PRKDC: variants seen among roughly 807,000 people sequenced by gnomAD.
PRKDC encodes DNA-dependent protein kinase catalytic subunit.
Under a neutral mutation model 486.9 loss-of-function variants are expected in PRKDC, and 82 were observed. That is an observed-to-expected ratio of 0.17 (90% CI 0.14 to 0.20). The LOEUF is 0.20. PRKDC is among the 10% of genes least tolerant of loss of function. The pLI, the probability that PRKDC is intolerant of heterozygous loss-of-function variation, is 1.00. For missense variants in PRKDC, 4,504 were observed against 5,038.2 expected, an observed-to-expected ratio of 0.89 and a Z score of 3.21; for synonymous variants, 1,895 against 1,837.0, an observed-to-expected ratio of 1.03 and a Z score of -0.81.
chr8:47,818,472 G>T (rs1319855197), intron 67 of PRKDC, among the ~76,000 whole-genome samples: 1 of 151,448 alleles, frequency 6.6e-6, no homozygotes, highest in African/African-American at 2.4e-5. Context: ...CCAGCTACTT[G>T]GGAGGCTGAG....
intron 25 of PRKDC, among the ~76,000 whole-genome samples, chr8:47,909,083 C>T (rs999718466): frequency 6.6e-6 from 1 of 152,174 alleles, no homozygotes; most frequent in Non-Finnish European, 1.5e-5. Context: ...CTCCCCCCAG[C>T]CCCCAGGCAG....
chr8:47,912,477 G>T lies in PRKDC; in HGVS notation c.2867C>A (p.Pro956Gln), dbSNP rs780533793. The change falls in exon 25 of 86, where the codon CCA becomes CAA. Residue 956 changes from proline (P) to glutamine (Q), a missense_variant. Pro to Gln is a moderately conservative substitution (Grantham distance 76, BLOSUM62 -1). Coordinates refer to ENST00000314191, the MANE Select transcript of PRKDC (RefSeq NM_006904.7). Reference sequence around the variant, plus strand: ...CCGCTTATAGAGCTGGTACATGGGTGGGGCTCCCTGTCCCCCTTCTGGCAT... The same window carrying T: ...CCGCTTATAGAGCTGGTACATGGGTTGGGCTCCCTGTCCCCCTTCTGGCAT... ...TQMPEGGQGA[P>Q]PMYQLYKRTF... 6.2e-7 allele frequency: 1 copy of T among 1,612,660 alleles called. No homozygotes were observed. Among genetic ancestry groups the T allele is most frequent in the South Asian group, 1.1e-5 (1 of 90,806 alleles).
At chr8:47,869,641 G>A (rs2088901534) in intron 40 of PRKDC, among the ~76,000 whole-genome samples, 1 of 151,898 alleles carries the variant, frequency 6.6e-6, no homozygotes, top group Non-Finnish European at 1.5e-5. Context: ...GAGAGAAGGA[G>A]AAGTAAGAGT....
At chr8:47,821,889 A>G in intron 64 of PRKDC, 97 bp from the exon 65 acceptor site, 1 of 1,101,994 alleles carries the variant, frequency 9.1e-7, no homozygotes, top group Non-Finnish European at 1.3e-6. Context: ...CACTAAAAAC[A>G]ATCCTTTTCA....
Position 47,778,815 on chromosome 8 carries a change from A to T in PRKDC, c.11580-16T>A. On this transcript the variant is annotated splice_polypyrimidine_tract_variant and intron_variant, in intron 81 of 85. Coordinates refer to ENST00000314191, the MANE Select transcript of PRKDC (RefSeq NM_006904.7). ...ATTAGCGCCCCTATGATTTAATAAT[A>T]GAAACATCTAATTAGAAAAAATTTC... is the stretch of plus-strand genomic sequence containing the variant. The T allele has an allele frequency of 1.2e-6, 2 of 1,604,544 alleles. No individual in the cohort carries two copies. Among genetic ancestry groups the T allele is most frequent in the Non-Finnish European group, 1.7e-6 (2 of 1,176,022 alleles).
chr8:47,927,377 A>G, intron 20 of PRKDC, 24 bp from the exon 21 acceptor site: 2 of 1,586,476 alleles, frequency 1.3e-6, no homozygotes, highest in South Asian at 2.4e-5. Flanking sequence ...CAAACAAGTT[A>G]AACTGAAACG....
intron 80 of PRKDC, 92 bp from the exon 81 acceptor site, chr8:47,779,185 A>T: frequency 1.1e-6 from 1 of 916,106 alleles, no homozygotes; most frequent in South Asian, 1.6e-5. Context: ...ATTGAAAAAT[A>T]GCAAAGAGGC....
At chr8:47,943,036 C>T (rs13439424) in intron 10 of PRKDC, among the ~76,000 whole-genome samples, 173 bp downstream of exon 10, 141 of 152,374 alleles carry the variant, frequency 9.3e-4, no homozygotes, top group African/African-American at 2.7e-3. Context: ...CTCCCTAGCT[C>T]TCTTTCAGTC....
chr8:47,858,176 C>T (rs2088587240), intron 48 of PRKDC, among the ~76,000 whole-genome samples: 1 of 151,930 alleles, frequency 6.6e-6, no homozygotes, highest in African/African-American at 2.4e-5. Flanking sequence ...GGAATATTTT[C>T]TCCCCCGCTC....
intron 29 of PRKDC, among the ~76,000 whole-genome samples, chr8:47,897,829 C>T (rs2089609559): frequency 6.6e-6 from 1 of 152,202 alleles, no homozygotes; most frequent in Non-Finnish European, 1.5e-5. Flanking sequence ...ACTTTTAAAA[C>T]AACTGAGAAA....
chr8:47,892,117 A>G (rs999851547), intron 31 of PRKDC, among the ~76,000 whole-genome samples: 3 of 152,120 alleles, frequency 2.0e-5, no homozygotes, highest in African/African-American at 7.2e-5. Context: ...TGATGTGCCC[A>G]TCTCGGCCTC....
At chr8:47,925,631 A>C (rs1470516871) in intron 21 of PRKDC, among the ~76,000 whole-genome samples, 1 of 152,220 alleles carries the variant, frequency 6.6e-6, no homozygotes, top group African/African-American at 2.4e-5. Context: ...ATTTTTCTGG[A>C]TTTTGATAAT....
At chr8:47,857,805 T>C (rs1336183320) in intron 48 of PRKDC, among the ~76,000 whole-genome samples, 2 of 152,168 alleles carry the variant, frequency 1.3e-5, no homozygotes, top group African/African-American at 4.8e-5. Context: ...ACTCGCCATG[T>C]CTGCAGAGCT....
chr8:47,911,756 T>C (rs944888956), intron 25 of PRKDC, among the ~76,000 whole-genome samples: 1 of 152,004 alleles, frequency 6.6e-6, no homozygotes, highest in Admixed American at 6.6e-5. Context: ...CAGCCATAGC[T>C]ATTTTTTATT....
intron 23 of PRKDC, among the ~76,000 whole-genome samples, chr8:47,914,337 T>C (rs1396421388): frequency 6.6e-6 from 1 of 152,162 alleles, no homozygotes; most frequent in East Asian, 1.9e-4. Context: ...AAGTATTTTG[T>C]AGAAGAAAGT....
Position 47,831,858 on chromosome 8 carries a change from A to G in PRKDC, c.8221T>C (p.Leu2741=). ...GCAACGCCTTTTCTGGCATACATCA[A>G]ACTGAGCTTCTCCTGGTCCCTCATA... The part of the protein sequence containing the change: ...RFMRDQEKLS[L]MYARKGVAEQ... The change falls in exon 60 of 86, where the codon TTG becomes CTG. Residue 2741 remains leucine, a synonymous_variant. Coordinates refer to ENST00000314191, the MANE Select transcript of PRKDC (RefSeq NM_006904.7). 1 of 1,613,986 alleles carries G rather than the reference A, an allele frequency of 6.2e-7. No homozygotes were observed. Among genetic ancestry groups the G allele is most frequent in the Non-Finnish European group, 8.5e-7 (1 of 1,179,856 alleles).
At position 47,776,887 on chromosome 8, in the gene PRKDC, C is replaced by G; in HGVS notation, c.12139G>C (p.Ala4047Pro). ...NWYPRQKICY[A>P]KRKLAGANPA... ...TTGGCACCTGCTAACTTTCTCTTAG[C>G]GTAACATATTTTCTGTCGGGGGTAC... The change falls in exon 85 of 86, where the codon GCT becomes CCT. Residue 4047 changes from alanine (A) to proline (P), a missense_variant. Ala to Pro is a conservative substitution (Grantham distance 27, BLOSUM62 -1). This residue lies in a region of PRKDC where 706 missense variants were observed against 945.0 expected (regional missense o/e 0.75). Coordinates refer to ENST00000314191, the MANE Select transcript of PRKDC (RefSeq NM_006904.7). 6.2e-7 allele frequency: 1 copy of G among 1,613,868 alleles called. No individual in the cohort carries two copies. The highest frequency in any genetic ancestry group is 8.5e-7 in the Non-Finnish European group (1 of 1,179,872).
At chr8:47,843,034 G>T (rs1206488672) in intron 54 of PRKDC, among the ~76,000 whole-genome samples, 2 of 152,148 alleles carry the variant, frequency 1.3e-5, no homozygotes, top group Non-Finnish European at 2.9e-5. Flanking sequence ...GCATGGTGGT[G>T]CATGCCTGTG....
intron 11 of PRKDC, among the ~76,000 whole-genome samples, chr8:47,938,406 C>CA (rs1416831906): frequency 7.3e-6 from 1 of 137,822 alleles, no homozygotes; most frequent in African/African-American, 2.7e-5. Context: ...AGCGAAACTC[C>CA]AACTCAAAAA....
Sources: allele counts gnomAD v4.1 joint callset (sites outside exome capture counted in the v4.1 genomes callset), GRCh38; gene constraint gnomAD v4.1.1; regional missense constraint gnomAD v4.1.1; transcripts MANE v1.5; gene names NCBI Gene and HGNC (gene_info 2026-07-23, HGNC 2026-07-21).